Variants in PLEKHB2 observed in about 807,000 individuals in gnomAD.
The protein encoded by PLEKHB2 is pleckstrin homology domain-containing family B member 2.
Under a neutral mutation model 36.5 loss-of-function variants are expected in PLEKHB2, and 31 were observed. The observed-to-expected ratio is 0.85, with a 90% confidence interval of 0.64 to 1.15. PLEKHB2 has a LOEUF of 1.15. Ranked by LOEUF, PLEKHB2 falls within the 50% of genes most tolerant of loss-of-function variation. The pLI is 0.00. For missense variants in PLEKHB2, 262 were observed against 295.3 expected (o/e 0.89, Z 0.83); for synonymous variants, 119 against 112.0 (o/e 1.06, Z -0.39).
At chr2:131,126,647 C>G in intron 3 of PLEKHB2, 37 bp from the exon 4 acceptor site, 1 of 1,200,416 alleles carries the variant, frequency 8.3e-7, no homozygotes, top group Non-Finnish European at 1.2e-6. Context: ...AGAAGAAATC[C>G]TGAAAAAAGT....
intron 7 of PLEKHB2, among the ~76,000 whole-genome samples, chr2:131,142,169 T>C (rs1032028327): frequency 6.6e-6 from 1 of 152,146 alleles, no homozygotes; most frequent in Non-Finnish European, 1.5e-5. Context: ...AAGAAAACCA[T>C]GCAAACATGG....
At chr2:131,119,636 C>G (rs1226905389) in intron 1 of PLEKHB2, among the ~76,000 whole-genome samples, 1 of 152,214 alleles carries the variant, frequency 6.6e-6, no homozygotes, top group Non-Finnish European at 1.5e-5. Context: ...AGTATATGAA[C>G]TATTAAAGTT....
intron 1 of PLEKHB2, among the ~76,000 whole-genome samples, chr2:131,110,072 G>A (rs1021886978): frequency 4.8e-4 from 73 of 151,898 alleles, no homozygotes; most frequent in Middle Eastern, 3.4e-3. Context: ...CTGAGATCGC[G>A]CCACTGCCCT....
intron 6 of PLEKHB2, among the ~76,000 whole-genome samples, chr2:131,137,551 C>A (rs532478369): frequency 2.0e-5 from 3 of 152,120 alleles, no homozygotes; most frequent in Non-Finnish European, 4.4e-5. Context: ...GTGTAGAGTT[C>A]TTTATGGTGT....
chr2:131,130,067 A>G (rs1697527112), intron 4 of PLEKHB2, among the ~76,000 whole-genome samples: 1 of 151,780 alleles, frequency 6.6e-6, no homozygotes, highest in Admixed American at 6.6e-5. Flanking sequence ...TTCTTGAGAT[A>G]GAGCCCCTCT....
intron 1 of PLEKHB2, chr2:131,107,606 C>A (rs1180282165): frequency 6.6e-6 from 1 of 152,214 alleles, no homozygotes; most frequent in Admixed American, 6.5e-5. Flanking sequence ...GACAGTTAAA[C>A]CTGAATTCTA....
intron 4 of PLEKHB2, among the ~76,000 whole-genome samples, chr2:131,130,284 TC>T (rs1377970504): frequency 6.6e-6 from 1 of 151,954 alleles, no homozygotes; most frequent in Non-Finnish European, 1.5e-5. Flanking sequence ...GCTCAAGTGA[TC>T]CCCCTGCCTT....
chr2:131,129,804 A>C (rs889454644), intron 4 of PLEKHB2, among the ~76,000 whole-genome samples: 1 of 152,056 alleles, frequency 6.6e-6, no homozygotes, highest in Admixed American at 6.6e-5. Flanking sequence ...CTTTTTGCCT[A>C]TGAATTAAGA....
intron 1 of PLEKHB2, among the ~76,000 whole-genome samples, chr2:131,110,819 C>T (rs1573519335): frequency 6.6e-6 from 1 of 152,248 alleles, no homozygotes; most frequent in East Asian, 1.9e-4. Flanking sequence ...TTTAGGTTCT[C>T]TTCTTTGTCC....
chr2:131,144,251 C>A (rs774300384), intron 7 of PLEKHB2, among the ~76,000 whole-genome samples: 6 of 152,156 alleles, frequency 3.9e-5, no homozygotes, highest in African/African-American at 9.7e-5. Context: ...GTTGGTCAGC[C>A]AATTGAGAAA....
chr2:131,132,651 C>T (rs928862939), intron 5 of PLEKHB2, among the ~76,000 whole-genome samples: 1 of 152,058 alleles, frequency 6.6e-6, no homozygotes, highest in Admixed American at 6.5e-5. Flanking sequence ...CTCTGAGTGC[C>T]TTCCTGGCTG....
Position 131,126,719 on chromosome 2 carries a change from A to G in PLEKHB2, c.226A>G (p.Met76Val), listed in dbSNP as rs779004320. ...QPPDGKSKDCMLQIVCRDGKT... is the reference protein window; with the variant it reads ...QPPDGKSKDCVLQIVCRDGKT... Reference sequence around the variant, plus strand: ...CCCGGATGGAAAGTCAAAAGACTGCATGCTCCAGATTGTTTGTCGAGATGG... The same window carrying G: ...CCCGGATGGAAAGTCAAAAGACTGCGTGCTCCAGATTGTTTGTCGAGATGG... The change falls in exon 4 of 8, where the codon ATG becomes GTG. Residue 76 changes from methionine (M) to valine (V), a missense_variant. By Grantham distance (21) the Met-to-Val change is conservative. Transcript: ENST00000693505. 4 of 1,611,650 alleles carry G rather than the reference A, an allele frequency of 2.5e-6. No individual in the cohort carries two copies. In the South Asian group the frequency reaches 3.3e-5, roughly 13 times the overall value.
intron 6 of PLEKHB2, among the ~76,000 whole-genome samples, chr2:131,133,266 G>A (rs1697903084): frequency 6.6e-6 from 1 of 152,132 alleles, no homozygotes; most frequent in Non-Finnish European, 1.5e-5. Flanking sequence ...ATGAGATTTT[G>A]ATGATCTGTA....
chr2:131,120,661 G>T, intron 1 of PLEKHB2: 1 of 512,426 alleles, frequency 2.0e-6, no homozygotes, highest in Non-Finnish European at 3.6e-6. Flanking sequence ...TGTCCCTGGG[G>T]CTGCTTTATG....
intron 1 of PLEKHB2, among the ~76,000 whole-genome samples, chr2:131,109,518 C>T (rs1004469802): frequency 5.3e-5 from 8 of 151,958 alleles, no homozygotes; most frequent in East Asian, 3.9e-4. Flanking sequence ...GGTAAAATCC[C>T]GTCTGTACTA....
At chr2:131,130,613 A>G (rs1025707104) in intron 4 of PLEKHB2, 108 bp from the exon 5 acceptor site, 4 of 839,574 alleles carry the variant, frequency 4.8e-6, no homozygotes, top group Non-Finnish European at 8.2e-6. Flanking sequence ...AAGCCTGAAG[A>G]CTTGTTTTTT....
intron 2 of PLEKHB2, among the ~76,000 whole-genome samples, chr2:131,123,643 G>T (rs1056777824): frequency 6.6e-6 from 1 of 151,964 alleles, no homozygotes; most frequent in East Asian, 1.9e-4. Context: ...TCCTGCTTCA[G>T]CCTCCTGAGT....
At chr2:131,137,199 G>A (rs772644520) in intron 6 of PLEKHB2, among the ~76,000 whole-genome samples, 1 of 148,962 alleles carries the variant, frequency 6.7e-6, no homozygotes, top group South Asian at 2.1e-4. Flanking sequence ...TGCCCGCCTC[G>A]GCCTCCCAGA....
intron 6 of PLEKHB2, among the ~76,000 whole-genome samples, chr2:131,135,063 G>T (rs1344211624): frequency 2.0e-5 from 3 of 152,160 alleles, no homozygotes; most frequent in East Asian, 3.9e-4. Flanking sequence ...TGATCTTGCA[G>T]CTTGTAAACT....
Sources: gnomAD v4.1 joint callset for allele counts (sites outside exome capture counted in the v4.1 genomes callset) on GRCh38, gnomAD v4.1.1 for gene constraint, MANE v1.5 for transcripts, NCBI Gene and HGNC (gene_info 2026-07-23, HGNC 2026-07-21) for gene names.